Variants in TLN2 observed in about 807,000 individuals in gnomAD.
The protein encoded by TLN2 is talin 2, also known as talin-2.
In TLN2, 118 loss-of-function variants were observed where a neutral mutation model predicts 294.7. The observed-to-expected ratio is 0.40, with a 90% CI of 0.34 to 0.47. TLN2 has a LOEUF of 0.47. TLN2 is among the 20% of genes least tolerant of loss of function. The pLI is 0.84. For synonymous variants in TLN2, 1,431 were observed against 1,304.5 expected (o/e 1.10, Z -2.09); for missense variants, 3,083 against 3,282.2 (o/e 0.94, Z 1.48).
chr15:62,620,837 CTTTTTTTTTTTTT>C (rs71129016), intron 3 of TLN2, among the ~76,000 whole-genome samples: 1 of 66,418 alleles, frequency 1.5e-5, no homozygotes. Flanking sequence ...CTTTCTTTTT[CTTTTTTTTTTTTT>C]TTTTTTTTCT....
intron 36 of TLN2, chr15:62,754,477 A>G (rs533193094): frequency 6.6e-6 from 1 of 152,350 alleles, no homozygotes; most frequent in South Asian, 2.1e-4. Context: ...GAGCCAGTAC[A>G]TGTGACATTC....
intron 1 of TLN2, among the ~76,000 whole-genome samples, chr15:62,499,795 GT>G (rs1235325617): frequency 2.0e-5 from 3 of 151,946 alleles, no homozygotes; most frequent in Non-Finnish European, 2.9e-5. Context: ...TAGAGACGGA[GT>G]TTCTCCATGT....
chr15:62,504,846 T>TGTGAGA (rs1207922838), intron 1 of TLN2, among the ~76,000 whole-genome samples: 2 of 144,392 alleles, frequency 1.4e-5, no homozygotes, highest in African/African-American at 2.6e-5. Flanking sequence ...TGTGTGTGTG[T>TGTGAGA]GAGAGAGAGA....
chr15:62,506,836 G>A (rs398474), intron 1 of TLN2, among the ~76,000 whole-genome samples: 51,223 of 152,094 alleles, frequency 0.34, 9,102 homozygotes, highest in East Asian at 0.55. Context: ...GCATTCAAAC[G>A]GGATATTAAT....
At chr15:62,690,090 C>A (rs1256729869) in intron 12 of TLN2, among the ~76,000 whole-genome samples, 4 of 89,978 alleles carry the variant, frequency 4.4e-5, no homozygotes, top group African/African-American at 5.6e-5. Context: ...GCCGGCCGGG[C>A]GGGGGGCTGA....
chr15:62,452,553 C>T (rs1011547461), intron 1 of TLN2, among the ~76,000 whole-genome samples: 1 of 152,142 alleles, frequency 6.6e-6, no homozygotes, highest in Non-Finnish European at 1.5e-5. Flanking sequence ...CATCCATCTC[C>T]AGAACTCTTT....
intron 54 of TLN2, among the ~76,000 whole-genome samples, chr15:62,825,829 A>ATATATATTATATATAT (rs10670862): frequency 1.5e-4 from 2 of 12,920 alleles, no homozygotes; most frequent in African/African-American, 4.4e-4. Context: ...TATATATTAT[A>ATATATATTATATATAT]ATATATAATA....
At chr15:62,646,351 C>T (rs545423923) in intron 3 of TLN2, among the ~76,000 whole-genome samples, 9 of 152,094 alleles carry the variant, frequency 5.9e-5, no homozygotes, top group Non-Finnish European at 8.8e-5. Flanking sequence ...TTAATAGAGA[C>T]CGTGTTTCAC....
intron 1 of TLN2, among the ~76,000 whole-genome samples, chr15:62,516,518 A>G (rs369726015): frequency 4.5e-4 from 69 of 152,176 alleles, no homozygotes; most frequent in Middle Eastern, 3.4e-3. Context: ...GAACATATTC[A>G]CTCTATGGTG....
chr15:62,797,490 G>A (rs529785361), intron 48 of TLN2, 88 bp downstream of exon 48: 5 of 1,420,852 alleles, frequency 3.5e-6, no homozygotes, highest in African/African-American at 2.9e-5. Context: ...GGCAGAACAG[G>A]AACTTTTGAA....
chr15:62,511,486 C>G (rs2039932598), intron 1 of TLN2, among the ~76,000 whole-genome samples: 1 of 152,106 alleles, frequency 6.6e-6, no homozygotes, highest in African/African-American at 2.4e-5. Context: ...TGTTAAAATG[C>G]TACTTTTCTT....
chr15:62,490,111 C>T (rs188090256), intron 1 of TLN2, among the ~76,000 whole-genome samples: 18 of 152,272 alleles, frequency 1.2e-4, no homozygotes, highest in African/African-American at 3.4e-4. Context: ...TTAGCATATT[C>T]GTAGTGAGAC....
In TLN2 at chr15:62,664,540, T is replaced by C. The variant is rs141595119; in HGVS notation, c.788+6642T>C. Among the ~76,000 whole-genome samples the C allele has an allele frequency of 5.1e-4, 78 of 152,034 alleles. 1 individual carries two copies. In the East Asian group the frequency reaches 6.0e-3, roughly 12 times the overall value. On this transcript the variant is annotated intron_variant, in intron 9 of 58. Coordinates refer to ENST00000636159, the MANE Select transcript of TLN2 (RefSeq NM_015059.3). ...AGACACAAGGAGATACAGGAAGATA[T>C]TAAAATATCTGTGGAAACTAACTTC...
intron 1 of TLN2, among the ~76,000 whole-genome samples, chr15:62,409,029 A>G (rs1402384827): frequency 6.6e-6 from 1 of 151,594 alleles, no homozygotes; most frequent in Non-Finnish European, 1.5e-5. Flanking sequence ...CCAGGCTGGA[A>G]TGCAGTGGTG....
chr15:62,762,285 A>C lies in TLN2; in HGVS notation c.4793A>C (p.Gln1598Pro), dbSNP rs768074660. Residue 1598 changes from glutamine to proline, a missense_variant, in exon 39 of 59, where the codon CAG becomes CCG. Coordinates refer to ENST00000636159, the MANE Select transcript of TLN2 (RefSeq NM_015059.3). The part of the protein sequence containing the change: ...AQISSEGSQA[Q>P]EPILVSAKTM... ...GTTTGGTCTCAGGGTTCCCAGGCAC[A>C]GGAACCAATCCTGGTCTCAGCCAAG... 6.2e-7 allele frequency: 1 copy of C among 1,614,188 alleles called. No individual in the cohort carries two copies. Among genetic ancestry groups the C allele is most frequent in the Non-Finnish European group, 8.5e-7 (1 of 1,180,024 alleles).
In TLN2 at chr15:62,742,478, A is replaced by G. The variant is rs574014014; in HGVS notation, c.4025+1709A>G. Among the ~76,000 whole-genome samples, 19 of 152,248 alleles carry G rather than the reference A, an allele frequency of 1.2e-4. No individual in the cohort carries two copies. In the South Asian group the frequency reaches 3.9e-3, roughly 32 times the overall value. ...GCTTGGAATGGCTTCACTCTCCTAA[A>G]TTGTGGGAAGGAGGGGGAATGTATA... On this transcript the variant is annotated intron_variant, in intron 32 of 58. Transcript: ENST00000636159.
At chr15:62,497,499 C>T (rs1364911501) in intron 1 of TLN2, among the ~76,000 whole-genome samples, 2 of 152,230 alleles carry the variant, frequency 1.3e-5, no homozygotes, top group Non-Finnish European at 2.9e-5. Context: ...CCAATGGCTG[C>T]AGGATGCCTG....
At chr15:62,408,785 T>C (rs2033582306) in intron 1 of TLN2, among the ~76,000 whole-genome samples, 1 of 152,110 alleles carries the variant, frequency 6.6e-6, no homozygotes, top group Non-Finnish European at 1.5e-5. Flanking sequence ...ATTAATTGTA[T>C]GGTCCAAGAA....
At chr15:62,826,811 C>T (rs544567730) in intron 54 of TLN2, among the ~76,000 whole-genome samples, 5 of 152,294 alleles carry the variant, frequency 3.3e-5, no homozygotes, top group Non-Finnish European at 7.3e-5. Context: ...AGACACTGGC[C>T]TCCTTTTTTC....
Sources: gnomAD v4.1 joint callset for allele counts (sites outside exome capture counted in the v4.1 genomes callset) on GRCh38, gnomAD v4.1.1 for gene constraint, MANE v1.5 for transcripts, NCBI Gene and HGNC (gene_info 2026-07-23, HGNC 2026-07-21) for gene names.